The following ATRX variants were observed in gnomAD, a reference collection of about 807,000 sequenced individuals.
ATRX encodes the protein ATRX chromatin remodeler.
In ATRX, 12 loss-of-function variants were observed where a neutral mutation model predicts 172.6. The ratio of observed to expected loss-of-function variants is 0.07; its 90% CI spans 0.04 to 0.11. The LOEUF (loss-of-function observed/expected upper bound fraction) is 0.11, where lower values mean the gene tolerates loss of function less well. Ranked by LOEUF, ATRX falls within the 10% of genes least tolerant of loss-of-function variation. The pLI is 1.00. For synonymous variants in ATRX, 674 were observed against 594.7 expected (o/e 1.13, Z -1.94); for missense variants, 1,368 against 1,767.4 (o/e 0.77, Z 4.05).
chrX:77,664,220 G>C (rs782626628), intron 11 of ATRX, among the ~76,000 whole-genome samples: 107 of 111,726 alleles, frequency 9.6e-4, no homozygotes, highest in Non-Finnish European at 1.6e-3. Context: ...ACATTTCCAT[G>C]AACTCTAAAT....
intron 1 of ATRX, among the ~76,000 whole-genome samples, chrX:77,723,353 T>C (rs782640205): frequency 9.0e-6 from 1 of 111,569 alleles, no homozygotes; most frequent in Non-Finnish European, 1.9e-5. Context: ...ATGAAAACAT[T>C]TACTGAACAC....
intron 30 of ATRX, among the ~76,000 whole-genome samples, chrX:77,533,004 G>T (rs192603543): frequency 8.9e-6 from 1 of 112,175 alleles, no homozygotes; most frequent in Non-Finnish European, 1.9e-5. Flanking sequence ...TTTCTCAAAA[G>T]AAGACACACT....
At chrX:77,767,264 A>G (rs186010725) in intron 1 of ATRX, among the ~76,000 whole-genome samples, 1,715 of 104,955 alleles carry the variant, frequency 0.016, 48 homozygotes, top group African/African-American at 0.058. Flanking sequence ...AGAGGGAGAG[A>G]GGGAGAGGGG....
rs2148605393 is a variant in ATRX at position 77,683,093 on chromosome X, T to C, written c.2163A>G (p.Gln721=). Residue 721 remains glutamine, a synonymous_variant, in exon 9 of 35, where the codon CAA becomes CAG. Transcript: ENST00000373344. ...PKPNKLPKSK[Q]SETVDQNSDS... Reference sequence around the variant, plus strand: ...CTGAATTTTGATCCACAGTCTCTGATTGCTTAGATTTTGGCAATTTATTAG... The same window carrying C: ...CTGAATTTTGATCCACAGTCTCTGACTGCTTAGATTTTGGCAATTTATTAG... 8.3e-7 allele frequency: 1 copy of C among 1,210,882 alleles called. No individual in the cohort carries two copies. The highest frequency in any genetic ancestry group is 1.7e-5 in the African/African-American group (1 of 57,784).
intron 30 of ATRX, among the ~76,000 whole-genome samples, chrX:77,539,058 C>G (rs1439348202): frequency 9.1e-6 from 1 of 109,736 alleles, no homozygotes; most frequent in East Asian, 2.9e-4. Context: ...CCAAGCCCAG[C>G]TAATTTTTCT....
intron 1 of ATRX, among the ~76,000 whole-genome samples, chrX:77,727,535 C>T (rs1479291075): frequency 9.0e-6 from 1 of 111,124 alleles, no homozygotes; most frequent in East Asian, 2.8e-4. Flanking sequence ...TTTGCAGGGA[C>T]ATGGATGAAG....
intron 2 of ATRX, among the ~76,000 whole-genome samples, chrX:77,712,848 T>C (rs184609036): frequency 9.9e-5 from 10 of 101,342 alleles, no homozygotes; most frequent in Non-Finnish European, 1.6e-4. Context: ...AAAATAAAAA[T>C]AAATAAATAA....
At chrX:77,539,770 A>G (rs1311477674) in intron 30 of ATRX, among the ~76,000 whole-genome samples, 1 of 111,937 alleles carries the variant, frequency 8.9e-6, no homozygotes, top group Admixed American at 9.5e-5. Context: ...AAATGCTGAG[A>G]GATTTTGTCA....
At chrX:77,631,201 C>CAA (rs782293888) in intron 19 of ATRX, among the ~76,000 whole-genome samples, 23 of 39,064 alleles carry the variant, frequency 5.9e-4, no homozygotes, top group African/African-American at 1.7e-3. Context: ...ACAATTTGAG[C>CAA]AAAAAAAAAA....
At chrX:77,697,709 T>C (rs1194769499) in intron 3 of ATRX, 74 bp from the exon 4 acceptor site, 4 of 915,129 alleles carry the variant, frequency 4.4e-6, no homozygotes, top group South Asian at 4.1e-5. Flanking sequence ...TATTTCCCTA[T>C]AGCAACTTCA....
chrX:77,689,798 C>A (rs2071786140), intron 6 of ATRX, among the ~76,000 whole-genome samples: 1 of 112,031 alleles, frequency 8.9e-6, no homozygotes. Context: ...TAAAATCTCT[C>A]AGGCATTTTC....
chrX:77,629,318 G>A (rs1320059888), intron 19 of ATRX, among the ~76,000 whole-genome samples: 2 of 112,507 alleles, frequency 1.8e-5, no homozygotes, highest in Non-Finnish European at 3.7e-5. Context: ...GGAAAATTAA[G>A]TGTTATACTG....
chrX:77,584,926 A>G (rs2065952283), intron 27 of ATRX, among the ~76,000 whole-genome samples: 1 of 111,286 alleles, frequency 9.0e-6, no homozygotes, highest in Non-Finnish European at 1.9e-5. Context: ...GCGATTAATA[A>G]CCGGAATATA....
chrX:77,663,801 T>C (rs2070064966), intron 11 of ATRX, among the ~76,000 whole-genome samples: 1 of 111,821 alleles, frequency 8.9e-6, no homozygotes, highest in Non-Finnish European at 1.9e-5. Context: ...ATATTTTGCT[T>C]TGAAAATCAT....
At chrX:77,738,995 T>C (rs914701472) in intron 1 of ATRX, among the ~76,000 whole-genome samples, 3 of 111,954 alleles carry the variant, frequency 2.7e-5, no homozygotes, top group Non-Finnish European at 5.6e-5. Flanking sequence ...TTTTTAATTT[T>C]TTATTTCCAC....
At chrX:77,547,850 CTG>C (rs1347155044) in intron 30 of ATRX, among the ~76,000 whole-genome samples, 1 of 111,261 alleles carries the variant, frequency 9.0e-6, no homozygotes, top group Non-Finnish European at 1.9e-5. Context: ...TTCTACTGGT[CTG>C]TCATATATCA....
chrX:77,768,206 G>A (rs955938739), intron 1 of ATRX, among the ~76,000 whole-genome samples: 2 of 111,604 alleles, frequency 1.8e-5, no homozygotes, highest in Non-Finnish European at 3.8e-5. Flanking sequence ...AGTTATTATC[G>A]CTTAATGGAA....
chrX:77,698,385 G>A (rs1208675877), intron 3 of ATRX, among the ~76,000 whole-genome samples, 189 bp downstream of exon 3: 1 of 111,690 alleles, frequency 9.0e-6, no homozygotes, highest in Non-Finnish European at 1.9e-5. Context: ...GTAAACCACT[G>A]AAGTGAACCA....
intron 30 of ATRX, among the ~76,000 whole-genome samples, chrX:77,539,682 A>C (rs1013516340): frequency 1.4e-4 from 16 of 112,048 alleles, no homozygotes; most frequent in African/African-American, 5.2e-4. Context: ...AAAGAAAAGA[A>C]TATTCAACCC....
Sources: allele counts gnomAD v4.1 joint callset (sites outside exome capture counted in the v4.1 genomes callset), GRCh38; gene constraint gnomAD v4.1.1; transcripts MANE v1.5; gene names NCBI Gene and HGNC (gene_info 2026-07-23, HGNC 2026-07-21).